The following DYNC1I1 variants were observed in gnomAD, a reference collection of about 807,000 sequenced individuals.
The protein encoded by DYNC1I1 is dynein cytoplasmic 1 intermediate chain 1.
DYNC1I1 carries 43 observed loss-of-function variants against 86.6 expected under a neutral mutation model. The ratio of observed to expected loss-of-function variants is 0.50; its 90% CI spans 0.39 to 0.64. The LOEUF is 0.64. Ranked by LOEUF, DYNC1I1 falls within the 30% of genes least tolerant of loss-of-function variation. The probability of loss-of-function intolerance (pLI) is 0.00; values close to 1 mark genes in which losing one functional copy is unlikely to be tolerated. For missense variants in DYNC1I1, 604 were observed against 788.8 expected, an observed-to-expected ratio of 0.77 and a Z score of 2.81; for synonymous variants, 262 against 283.7, an observed-to-expected ratio of 0.92 and a Z score of 0.77.
At chr7:95,940,877 C>G (rs548543014) in intron 6 of DYNC1I1, among the ~76,000 whole-genome samples, 1 of 152,326 alleles carries the variant, frequency 6.6e-6, no homozygotes, top group African/African-American at 2.4e-5. Context: ...GAGGCACTCG[C>G]TTTTTAGAGT....
At chr7:95,994,814 AT>A (rs1793817434) in intron 9 of DYNC1I1, among the ~76,000 whole-genome samples, 1 of 152,120 alleles carries the variant, frequency 6.6e-6, no homozygotes, top group South Asian at 2.1e-4. Flanking sequence ...ATAGGAAGCC[AT>A]TTATGAAGCT....
Position 95,973,747 on chromosome 7 carries a change from C to T in DYNC1I1, c.491-3765C>T, listed in dbSNP as rs146341051. Among the ~76,000 whole-genome samples the T allele has an allele frequency of 9.4e-3, 1,424 of 152,164 alleles. 12 individuals are homozygous for T. Among genetic ancestry groups the T allele is most frequent in the Non-Finnish European group, 0.017 (1,155 of 67,984 alleles). ...TCATGGTGTTTCTTTTTTGACTCTT[C>T]TGAGAATTAATGTTTAAAATAAACA... On this transcript the variant is annotated intron_variant, in intron 6 of 16. Coordinates refer to ENST00000447467, the MANE Select transcript of DYNC1I1 (RefSeq NM_001135556.2).
At chr7:96,081,536 C>T (rs1027509870) in intron 16 of DYNC1I1, among the ~76,000 whole-genome samples, 1 of 152,024 alleles carries the variant, frequency 6.6e-6, no homozygotes, top group Admixed American at 6.6e-5. Flanking sequence ...AACTTTCAAG[C>T]AAAACAAAAT....
chr7:95,941,233 T>C (rs1034288163), intron 6 of DYNC1I1, among the ~76,000 whole-genome samples: 2 of 151,946 alleles, frequency 1.3e-5, no homozygotes, highest in African/African-American at 4.8e-5. Flanking sequence ...CCAGTTAGGC[T>C]GCTTGGGGGT....
intron 6 of DYNC1I1, among the ~76,000 whole-genome samples, chr7:95,963,585 A>C (rs938674137): frequency 2.2e-4 from 33 of 152,188 alleles, no homozygotes; most frequent in African/African-American, 8.0e-4. Flanking sequence ...ATAGGACAAT[A>C]GTGGTCATTA....
At chr7:95,816,088 G>T (rs914368307) in intron 4 of DYNC1I1, among the ~76,000 whole-genome samples, 2 of 151,482 alleles carry the variant, frequency 1.3e-5, no homozygotes, top group Non-Finnish European at 2.9e-5. Flanking sequence ...TGCAATTATA[G>T]CTCACTGCAA....
chr7:96,035,735 G>A lies in DYNC1I1; in HGVS notation c.1347G>A (p.Thr449=), dbSNP rs763988824. Residue 449 remains threonine (T), a synonymous_variant, in exon 13 of 17, where the codon ACG becomes ACA. Transcript: ENST00000447467. ...GCAGTGAGGAAGGTACAGTCTACACGGCTTGTCGTCATGGAAGGTGATTTT... is the reference window on the plus strand; with the variant it reads ...GCAGTGAGGAAGGTACAGTCTACACAGCTTGTCGTCATGGAAGGTGATTTT... ...VVGSEEGTVY[T]ACRHGSKAGI... The A allele has an allele frequency of 1.1e-5, 18 of 1,609,452 alleles. No homozygotes were observed. The highest frequency in any genetic ancestry group is 2.7e-5 in the African/African-American group (2 of 74,650).
At chr7:95,807,450 C>G (rs1027351355) in intron 2 of DYNC1I1, among the ~76,000 whole-genome samples, 3 of 152,092 alleles carry the variant, frequency 2.0e-5, no homozygotes, top group Admixed American at 6.6e-5. Context: ...TTCACCACCC[C>G]CTACCCCAAT....
chr7:95,810,539 A>C, intron 3 of DYNC1I1, 33 bp downstream of exon 3: 1 of 1,578,930 alleles, frequency 6.3e-7, no homozygotes, highest in South Asian at 1.1e-5. Context: ...ACTATTCCTC[A>C]AAATCAACTT....
chr7:96,044,989 G>A (rs1188823068), intron 14 of DYNC1I1, among the ~76,000 whole-genome samples: 2 of 152,154 alleles, frequency 1.3e-5, no homozygotes, highest in Non-Finnish European at 2.9e-5. Context: ...AAAGTTAGAT[G>A]GATGTGGGCA....
chr7:95,929,086 A>G (rs1198737906), intron 6 of DYNC1I1, among the ~76,000 whole-genome samples: 1 of 152,210 alleles, frequency 6.6e-6, no homozygotes, highest in Non-Finnish European at 1.5e-5. Context: ...CAACAAATGC[A>G]TAAAGATGAG....
intron 16 of DYNC1I1, among the ~76,000 whole-genome samples, chr7:96,106,028 T>C (rs371121095): frequency 2.0e-5 from 3 of 152,196 alleles, no homozygotes; most frequent in African/African-American, 7.2e-5. Context: ...TAAATTATGT[T>C]TTCTTTAAAA....
chr7:96,103,074 A>G (rs563551687), downstream of DYNC1I1, among the ~76,000 whole-genome samples: 46 of 152,184 alleles, frequency 3.0e-4, 1 homozygote, highest in Non-Finnish European at 4.7e-4. Flanking sequence ...TCAAAAGCCC[A>G]TTGTCACCCA....
At chr7:95,872,036 C>G (rs764732392) in intron 6 of DYNC1I1, among the ~76,000 whole-genome samples, 21 of 152,220 alleles carry the variant, frequency 1.4e-4, no homozygotes, top group Non-Finnish European at 2.5e-4. Flanking sequence ...ATGCCTTGAC[C>G]CTTGGCTGCC....
intron 14 of DYNC1I1, among the ~76,000 whole-genome samples, chr7:96,071,372 A>G (rs1790154712): frequency 6.6e-6 from 1 of 152,248 alleles, no homozygotes; most frequent in Admixed American, 6.5e-5. Context: ...CCTTGAGGTC[A>G]GTAGCTGCAG....
At chr7:95,930,292 C>T (rs1219314476) in intron 6 of DYNC1I1, among the ~76,000 whole-genome samples, 1 of 152,132 alleles carries the variant, frequency 6.6e-6, no homozygotes, top group East Asian at 1.9e-4. Context: ...ATTGGGGTGG[C>T]ATTAATTGTA....
downstream of DYNC1I1, among the ~76,000 whole-genome samples, chr7:96,099,034 T>C (rs1490865731): frequency 1.3e-5 from 2 of 152,060 alleles, no homozygotes; most frequent in Non-Finnish European, 2.9e-5. Flanking sequence ...TTGTAAACAA[T>C]AAAAATTTTA....
chr7:95,797,295 C>T (rs1041011430), intron 1 of DYNC1I1, among the ~76,000 whole-genome samples: 2 of 152,114 alleles, frequency 1.3e-5, no homozygotes, highest in African/African-American at 4.8e-5. Context: ...ATTTGGTAGA[C>T]ATTTTCTCAA....
intron 6 of DYNC1I1, among the ~76,000 whole-genome samples, chr7:95,874,092 C>A (rs1254453939): frequency 2.0e-5 from 3 of 152,194 alleles, no homozygotes; most frequent in Non-Finnish European, 4.4e-5. Context: ...ATCCTAGTGT[C>A]TTTAAATTCT....
Sources: gnomAD v4.1 joint callset for allele counts (sites outside exome capture counted in the v4.1 genomes callset) on GRCh38, gnomAD v4.1.1 for gene constraint, MANE v1.5 for transcripts, NCBI Gene and HGNC (gene_info 2026-07-23, HGNC 2026-07-21) for gene names.